The following PRKD1 variants were observed in gnomAD, a reference collection of about 807,000 sequenced individuals.
PRKD1 encodes protein kinase D1, also known as serine/threonine-protein kinase D1.
In PRKD1, 63 loss-of-function variants were observed where a neutral mutation model predicts 95.9. The ratio of observed to expected loss-of-function variants is 0.66; its 90% CI spans 0.54 to 0.81. The LOEUF (loss-of-function observed/expected upper bound fraction) is 0.81, where lower values mean the gene tolerates loss of function less well. PRKD1 is among the 30% of genes least tolerant of loss of function. The pLI is 0.00. For missense variants in PRKD1, 1,048 were observed against 1,165.3 expected (o/e 0.90, Z 1.47); for synonymous variants, 425 against 423.1 (o/e 1.00, Z -0.05).
intron 4 of PRKD1, among the ~76,000 whole-genome samples, chr14:29,659,411 T>A (rs1235282779): frequency 6.6e-6 from 1 of 152,198 alleles, no homozygotes; most frequent in Non-Finnish European, 1.5e-5. Flanking sequence ...CTATTATGCA[T>A]AAAGATGTCA....
intron 13 of PRKD1, among the ~76,000 whole-genome samples, chr14:29,604,277 T>A (rs1024100778): frequency 6.6e-6 from 1 of 152,166 alleles, no homozygotes; most frequent in Non-Finnish European, 1.5e-5. Flanking sequence ...ATTCCATATA[T>A]GTAGTTTCCA....
intron 2 of PRKD1, among the ~76,000 whole-genome samples, chr14:29,705,860 C>A (rs546000014): frequency 2.6e-5 from 4 of 151,962 alleles, no homozygotes; most frequent in Admixed American, 2.6e-4. Context: ...TTTCTTTAAC[C>A]ACCCCTTAGT....
chr14:29,726,506 C>T (rs1407914290), intron 1 of PRKD1, among the ~76,000 whole-genome samples: 2 of 152,094 alleles, frequency 1.3e-5, no homozygotes, highest in African/African-American at 4.8e-5. Context: ...CTTTCTTCAT[C>T]CTGGAACTGA....
At chr14:29,806,001 G>A (rs141089226) in intron 1 of PRKD1, among the ~76,000 whole-genome samples, 1 of 152,278 alleles carries the variant, frequency 6.6e-6, no homozygotes, top group African/African-American at 2.4e-5. Context: ...ACAGAAGAGT[G>A]TACTGTAGTA....
intron 1 of PRKD1, among the ~76,000 whole-genome samples, chr14:29,785,973 C>T (rs199971586): frequency 2.0e-5 from 3 of 149,644 alleles, no homozygotes; most frequent in East Asian, 3.9e-4. Flanking sequence ...ATGTTAGTCA[C>T]ATGTGTTTGT....
chr14:29,593,425 T>G (rs1893197567), intron 16 of PRKD1, among the ~76,000 whole-genome samples: 1 of 152,200 alleles, frequency 6.6e-6, no homozygotes, highest in African/African-American at 2.4e-5. Context: ...TTCTTCCACC[T>G]GGAGGTTGTC....
intron 1 of PRKD1, among the ~76,000 whole-genome samples, chr14:29,889,803 G>A (rs1893874952): frequency 6.6e-6 from 1 of 152,184 alleles, no homozygotes; most frequent in South Asian, 2.1e-4. Flanking sequence ...GAGTGGAAGG[G>A]TGCAGCAAAC....
At chr14:29,799,494 T>G (rs1465671378) in intron 1 of PRKD1, among the ~76,000 whole-genome samples, 1 of 152,218 alleles carries the variant, frequency 6.6e-6, no homozygotes, top group Non-Finnish European at 1.5e-5. Context: ...TAGCACAGAT[T>G]TTCTTCTAAA....
chr14:29,780,028 G>C (rs1454607995), intron 1 of PRKD1, among the ~76,000 whole-genome samples: 1 of 152,044 alleles, frequency 6.6e-6, no homozygotes, highest in Non-Finnish European at 1.5e-5. Flanking sequence ...ACAAAAACAA[G>C]AAATGGGGAA....
At chr14:29,755,047 G>GT (rs1887633825) in intron 1 of PRKD1, among the ~76,000 whole-genome samples, 1 of 151,962 alleles carries the variant, frequency 6.6e-6, no homozygotes, top group Non-Finnish European at 1.5e-5. Flanking sequence ...TTCTAGTGGT[G>GT]TTTTTTCCGT....
At chr14:29,783,476 G>A (rs1889137072) in intron 1 of PRKD1, among the ~76,000 whole-genome samples, 2 of 152,158 alleles carry the variant, frequency 1.3e-5, no homozygotes, top group Non-Finnish European at 2.9e-5. Flanking sequence ...ATATCCCTTT[G>A]ATATACTGAT....
At chr14:29,774,857 C>T (rs1888665963) in intron 1 of PRKD1, among the ~76,000 whole-genome samples, 2 of 152,144 alleles carry the variant, frequency 1.3e-5, no homozygotes, top group Non-Finnish European at 2.9e-5. Flanking sequence ...GATTTGCATT[C>T]TTCCACAGGA....
intron 1 of PRKD1, among the ~76,000 whole-genome samples, chr14:29,750,316 C>A (rs1887417050): frequency 6.6e-6 from 1 of 152,074 alleles, no homozygotes; most frequent in South Asian, 2.1e-4. Context: ...ATAACAAAAC[C>A]AATTTTACCA....
At chr14:29,773,226 C>A (rs1888586846) in intron 1 of PRKD1, among the ~76,000 whole-genome samples, 1 of 151,960 alleles carries the variant, frequency 6.6e-6, no homozygotes, top group African/African-American at 2.4e-5. Context: ...TTTGGGAGGC[C>A]CAGGCGAGTG....
chr14:29,885,804 TAAAAAAAAAAA>T (rs759317394), intron 1 of PRKD1, among the ~76,000 whole-genome samples: 2 of 53,502 alleles, frequency 3.7e-5, no homozygotes, highest in African/African-American at 1.2e-4. Flanking sequence ...CCATCTTTAC[TAAAAAAAAAAA>T]AAAAAAAAAA....
chr14:29,702,932 T>C (rs1361113515), intron 2 of PRKD1, among the ~76,000 whole-genome samples: 1 of 152,220 alleles, frequency 6.6e-6, no homozygotes, highest in Non-Finnish European at 1.5e-5. Context: ...TAGAATGATA[T>C]TTTAAAATTT....
At chr14:29,900,648 ACAAT>A (rs757416834) in intron 1 of PRKD1, among the ~76,000 whole-genome samples, 11 of 152,188 alleles carry the variant, frequency 7.2e-5, no homozygotes, top group Non-Finnish European at 7.3e-5. Flanking sequence ...AAAAAAACAA[ACAAT>A]CCAATTTAAA....
rs1239019296 is a variant in PRKD1, at chr14:29,722,529, T to G, written c.403+3007A>C. ...AATAATATTTTACAACAAATCGATA[T>G]TTTTACAAAATGGTATATATGTAGT... On this transcript the variant is annotated intron_variant, in intron 2 of 17. Coordinates refer to ENST00000331968, the MANE Select transcript of PRKD1 (RefSeq NM_002742.3). Among the ~76,000 whole-genome samples the G allele has an allele frequency of 2.0e-5, 3 of 152,224 alleles. No homozygotes were observed. The East Asian group carries it at 5.8e-4, about 29-fold the overall frequency.
intron 9 of PRKD1, 91 bp from the exon 10 acceptor site, chr14:29,631,112 T>C (rs1879978640): frequency 8.3e-7 from 1 of 1,202,890 alleles, no homozygotes; most frequent in African/African-American, 1.5e-5. Flanking sequence ...AAAAATGACA[T>C]CACAAATAGC....
Sources: allele counts gnomAD v4.1 joint callset (sites outside exome capture counted in the v4.1 genomes callset), GRCh38; gene constraint gnomAD v4.1.1; transcripts MANE v1.5; gene names NCBI Gene and HGNC (gene_info 2026-07-23, HGNC 2026-07-21).